SIRPG: variants seen among roughly 807,000 people sequenced by gnomAD.
The protein encoded by SIRPG is signal regulatory protein gamma, also known as signal-regulatory protein gamma.
Under a neutral mutation model 35.7 loss-of-function variants are expected in SIRPG, and 38 were observed. That is an observed-to-expected ratio of 1.06 (90% confidence interval 0.82 to 1.40). The LOEUF is 1.40. SIRPG is among the 40% of genes most tolerant of loss of function. The pLI, the probability that SIRPG is intolerant of heterozygous loss-of-function variation, is 0.00. For synonymous variants in SIRPG, 215 were observed against 190.4 expected, an observed-to-expected ratio of 1.13 and a Z score of -1.06; for missense variants, 519 against 483.0, an observed-to-expected ratio of 1.07 and a Z score of -0.70.
At chr20:1,675,049 G>A in the SIRPG span, among the ~76,000 whole-genome samples, 2 of 152,158 alleles carry the variant, frequency 1.3e-5, no homozygotes, top group African/African-American at 2.4e-5. Flanking sequence ...TTGACTTTAT[G>A]CAATTCTAGA....
the SIRPG span, among the ~76,000 whole-genome samples, chr20:1,673,816 G>A: frequency 3.9e-5 from 6 of 152,290 alleles, no homozygotes; most frequent in South Asian, 2.1e-4. Flanking sequence ...TGACATCTTC[G>A]TGTGTGGAGG....
At chr20:1,630,591 T>G (rs1413281247) in intron 4 of SIRPG, 5 of 360,594 alleles carry the variant, frequency 1.4e-5, no homozygotes, top group African/African-American at 2.2e-5. Flanking sequence ...GTTCCTCACT[T>G]GACCCTCACA....
In SIRPG at chr20:1,644,051, G is replaced by C. The variant is rs1037026548; in HGVS notation, c.430+5001C>G. On this transcript the variant is annotated intron_variant, in intron 2 of 5. Transcript: ENST00000303415. ...TTAGAGGGTCTCTCTCAGTTGGGTG[G>C]CACGGGGAGCAGGACCCATTTAACG... is the stretch of plus-strand genomic sequence containing the variant. Among the ~76,000 whole-genome samples, 10 of 152,318 alleles carry C rather than the reference G, an allele frequency of 6.6e-5. No individual in the cohort carries two copies. In the East Asian group the frequency reaches 1.2e-3, roughly 18 times the overall value.
chr20:1,631,200 G>C (rs2091747321), intron 4 of SIRPG, among the ~76,000 whole-genome samples: 1 of 152,124 alleles, frequency 6.6e-6, no homozygotes. Context: ...GGTGCTGGTG[G>C]GTCCTTAAGG....
chr20:1,649,093 A>G lies in SIRPG; in HGVS notation c.389T>C (p.Val130Ala), dbSNP rs2091918762. 1 of 1,613,780 alleles carries G rather than the reference A, an allele frequency of 6.2e-7. No individual in the cohort carries two copies. The highest frequency in any genetic ancestry group is 1.1e-5 in the South Asian group (1 of 91,082). Residue 130 changes from valine to alanine, a missense_variant, in exon 2 of 6, where the codon GTG (valine) becomes GCG (alanine). By Grantham distance (64) the Val-to-Ala change is moderately conservative. Transcript: ENST00000303415. ...VKFRKGSPEN[V>A]EFKSGPGTEM... is the part of the protein sequence containing the mutation. ...AGTGCCTGGTCCAGACTTAAACTCC[A>G]CGTTCTCAGGGCTCCCTTTTCGAAA...
chr20:1,643,133 A>G (rs2091867724), intron 2 of SIRPG, among the ~76,000 whole-genome samples: 1 of 152,014 alleles, frequency 6.6e-6, no homozygotes, highest in Non-Finnish European at 1.5e-5. Flanking sequence ...TAGGTTGGGG[A>G]AGTTCTCCTG....
the SIRPG span, among the ~76,000 whole-genome samples, chr20:1,677,095 G>A: frequency 0.86 from 128,259 of 149,938 alleles, 54,858 homozygotes; most frequent in East Asian, 1. Flanking sequence ...ACAATGAGGC[G>A]CAGAGAGGTT....
chr20:1,684,022 G>A, the SIRPG span, among the ~76,000 whole-genome samples: 1 of 152,066 alleles, frequency 6.6e-6, no homozygotes, highest in East Asian at 1.9e-4. Flanking sequence ...GGCAGGGGAG[G>A]GGGTGTAGTT....
rs115947946 is a variant in SIRPG at position 1,650,740 on chromosome 20, C to T, written c.74-1332G>A. 1.0e-2 allele frequency among the ~76,000 whole-genome samples: 1,520 copies of T among 152,174 alleles called. 27 individuals are homozygous for T. The highest frequency in any genetic ancestry group is 0.034 in the African/African-American group (1,428 of 41,520). On this transcript the variant is annotated intron_variant, in intron 1 of 5. Coordinates refer to ENST00000303415, the MANE Select transcript of SIRPG (RefSeq NM_018556.4). ...ACAAACTTAATAAAATACATGAATG[C>T]ACAAATTTAAAGACACTGAAGAAAT...
chr20:1,630,347 T>A (rs1207166678), intron 4 of SIRPG, 41 bp from the exon 5 acceptor site: 2 of 1,494,906 alleles, frequency 1.3e-6, no homozygotes, highest in South Asian at 2.4e-5. Flanking sequence ...GAGAGACCAC[T>A]TGGGAGGCCA....
At chr20:1,643,311 A>G (rs1204591172) in intron 2 of SIRPG, among the ~76,000 whole-genome samples, 1 of 151,968 alleles carries the variant, frequency 6.6e-6, no homozygotes, top group Non-Finnish European at 1.5e-5. Flanking sequence ...GTCTTATTTC[A>G]GCAAAATGGT....
the SIRPG span, among the ~76,000 whole-genome samples, chr20:1,682,333 T>A: frequency 3.9e-5 from 6 of 152,192 alleles, no homozygotes; most frequent in Non-Finnish European, 5.9e-5. Context: ...GTGAGATTTA[T>A]CCCAGGAATG....
chr20:1,661,557 C>G (rs1308281281), upstream of SIRPG, among the ~76,000 whole-genome samples: 1 of 152,130 alleles, frequency 6.6e-6, no homozygotes, highest in Admixed American at 6.5e-5. Flanking sequence ...CAGGGGCTGT[C>G]CAGATGGGCT....
chr20:1,642,225 C>G (rs4502499), intron 2 of SIRPG, among the ~76,000 whole-genome samples: 1 of 152,220 alleles, frequency 6.6e-6, no homozygotes, highest in Non-Finnish European at 1.5e-5. Flanking sequence ...GTGTGGGAGT[C>G]TAAGTCTTTT....
chr20:1,634,777 C>T (rs2091779381), intron 4 of SIRPG, among the ~76,000 whole-genome samples: 1 of 152,036 alleles, frequency 6.6e-6, no homozygotes, highest in Non-Finnish European at 1.5e-5. Context: ...GGCGCGGTGG[C>T]TCACGCCTGT....
the SIRPG span, among the ~76,000 whole-genome samples, chr20:1,664,931 T>G: frequency 2.6e-5 from 4 of 152,118 alleles, no homozygotes; most frequent in African/African-American, 9.7e-5. Context: ...ACAGTGGGAT[T>G]CCTTAGAATG....
chr20:1,645,004 C>A (rs1359959519), intron 2 of SIRPG, among the ~76,000 whole-genome samples: 1 of 152,182 alleles, frequency 6.6e-6, no homozygotes, highest in African/African-American at 2.4e-5. Context: ...CCCTGTCCTG[C>A]GTGACATCTT....
At chr20:1,647,246 C>T (rs2122530119) in intron 2 of SIRPG, 1 of 153,066 alleles carries the variant, frequency 6.5e-6, no homozygotes, top group Admixed American at 6.5e-5. Context: ...CCTTCCCTGC[C>T]TCCCTCCTTT....
At chr20:1,650,097 G>A (rs2091930930) in intron 1 of SIRPG, among the ~76,000 whole-genome samples, 1 of 147,030 alleles carries the variant, frequency 6.8e-6, no homozygotes, top group Non-Finnish European at 1.5e-5. Context: ...TGTCAGTAAA[G>A]CTATGCGTCT....
Sources: allele counts gnomAD v4.1 joint callset (sites outside exome capture counted in the v4.1 genomes callset), GRCh38; gene constraint gnomAD v4.1.1; transcripts MANE v1.5; gene names NCBI Gene and HGNC (gene_info 2026-07-23, HGNC 2026-07-21).